ENO4: variants seen among roughly 807,000 people sequenced by gnomAD.
The protein encoded by ENO4 is 2-phospho-D-glycerate hydro-lyase.
A neutral mutation model predicts 63.2 loss-of-function variants in ENO4; 53 were observed. That is an observed-to-expected ratio of 0.84 (90% CI 0.67 to 1.05). The LOEUF (loss-of-function observed/expected upper bound fraction) is 1.05, where lower values mean the gene tolerates loss of function less well. ENO4 is among the 50% of genes least tolerant of loss of function. The probability of loss-of-function intolerance (pLI) is 0.00; values close to 1 mark genes in which losing one functional copy is unlikely to be tolerated. For missense variants in ENO4, 719 were observed against 772.0 expected (o/e 0.93, Z 0.81); for synonymous variants, 266 against 283.8 (o/e 0.94, Z 0.63).
At chr10:116,879,686 A>G (rs1236409189) in intron 12 of ENO4, among the ~76,000 whole-genome samples, 183 bp from the exon 13 acceptor site, 2 of 152,240 alleles carry the variant, frequency 1.3e-5, no homozygotes, top group Non-Finnish European at 2.9e-5. Flanking sequence ...AGTCAGCCAC[A>G]TCATCTGTTT....
At chr10:116,873,920 G>A (rs1452272569) in intron 9 of ENO4, 156 bp from the exon 10 acceptor site, 1 of 977,306 alleles carries the variant, frequency 1.0e-6, no homozygotes, top group Non-Finnish European at 1.2e-6. Context: ...GATATTTAAA[G>A]TAGAATGGAC....
chr10:116,911,563 GA>G lies in ENO4; in HGVS notation c.1262del (p.Val422CysfsTer18), dbSNP rs1257593705. On this transcript the variant is annotated frameshift_variant, in exon 11 of 11. Transcript: ENST00000369207. LOFTEE classifies it high-confidence loss of function. ...AAGAACAGGAAACAATGACTTTGGT[GA>G]AAGTGTAACCACTCTTTTAGAACAA... is the stretch of plus-strand genomic sequence containing the variant. 6.4e-7 allele frequency: 1 copy of G among 1,550,700 alleles called. No homozygotes were observed. Among genetic ancestry groups the G allele is most frequent in the Non-Finnish European group, 8.7e-7 (1 of 1,146,994 alleles).
intron 9 of ENO4, among the ~76,000 whole-genome samples, chr10:116,872,572 GCCT>G (rs1174216832): frequency 2.6e-5 from 4 of 152,114 alleles, no homozygotes; most frequent in South Asian, 2.1e-4. Context: ...TGATTGTGTG[GCCT>G]CCTCAGCCAT....
chr10:116,905,102 G>A (rs1847912635), intron 10 of ENO4, among the ~76,000 whole-genome samples: 1 of 151,426 alleles, frequency 6.6e-6, no homozygotes, highest in Non-Finnish European at 1.5e-5. Context: ...TGGGGAGGCT[G>A]AGGCAGGAGA....
chr10:116,893,592 A>ACACACACACACACACACACACACACACC (rs1847414413), intron 10 of ENO4, among the ~76,000 whole-genome samples: 1 of 151,436 alleles, frequency 6.6e-6, no homozygotes, highest in Admixed American at 6.6e-5. Context: ...ACACACACAC[A>ACACACACACACACACACACACACACACC]CACACGAGAA....
chr10:116,907,104 C>T (rs1847999133), intron 10 of ENO4, among the ~76,000 whole-genome samples: 1 of 152,146 alleles, frequency 6.6e-6, no homozygotes, highest in Non-Finnish European at 1.5e-5. Flanking sequence ...ATATATTAAA[C>T]TCACCTTAGA....
chr10:116,869,519 A>G (rs867403675), intron 8 of ENO4, among the ~76,000 whole-genome samples: 1 of 152,198 alleles, frequency 6.6e-6, no homozygotes, highest in South Asian at 2.1e-4. Context: ...TAAAAAAGTG[A>G]AGTTTCTTTT....
At chr10:116,870,993 C>G in intron 8 of ENO4, 132 bp from the exon 9 acceptor site, 2 of 757,582 alleles carry the variant, frequency 2.6e-6, no homozygotes, top group Non-Finnish European at 4.2e-6. Flanking sequence ...TGAATCAATC[C>G]TAAGTAGGAT....
At chr10:116,897,092 A>G (rs936444731) in intron 10 of ENO4, among the ~76,000 whole-genome samples, 1 of 152,094 alleles carries the variant, frequency 6.6e-6, no homozygotes, top group Non-Finnish European at 1.5e-5. Context: ...CTGGGATTAT[A>G]GGCGTAAGCC....
In ENO4 at chr10:116,855,705, C is replaced by T; in HGVS notation, c.248C>T (p.Pro83Leu). 6.5e-7 allele frequency: 1 copy of T among 1,536,502 alleles called. No homozygotes were observed. Among genetic ancestry groups the T allele is most frequent in the Non-Finnish European group, 8.7e-7 (1 of 1,147,004 alleles). ...GKDVLDGLGLPTLQVDIFCTI... is the reference protein window; with the variant it reads ...GKDVLDGLGLLTLQVDIFCTI... ...GACGTACTAGATGGACTGGGGCTTC[C>T]AACCCTGCAAGTGGACATATTCTGC... The change falls in exon 2 of 14, where the codon CCA becomes CTA. Residue 83 changes from proline (P) to leucine (L), a missense_variant. Physicochemically the swap from Pro to Leu is moderately conservative, Grantham distance 98. Around this residue, in one of 3 missense-constraint regions of ENO4, gnomAD observed 544 missense variants for 583.6 expected, o/e 0.93. Coordinates refer to ENST00000341276, the MANE Select transcript of ENO4 (RefSeq NM_001242699.2).
intron 1 of ENO4, among the ~76,000 whole-genome samples, chr10:116,850,888 C>A (rs184986036): frequency 2.1e-4 from 32 of 152,262 alleles, no homozygotes; most frequent in Middle Eastern, 3.4e-3. Flanking sequence ...AAAAATCAAA[C>A]CACATTTGTG....
chr10:116,859,103 C>G lies in ENO4; in HGVS notation c.599C>G (p.Pro200Arg). ...CCTCCAGTACCACCACCACCACCCC[C>G]TCCACCTCCTACCAAAAAAAAGGGG... ...PLPPVPPPPP[P>R]PPPTKKKGQK... The change falls in exon 4 of 14, where the codon CCT becomes CGT. Residue 200 changes from proline (P) to arginine (R), a missense_variant. By Grantham distance (103) the Pro-to-Arg change is moderately radical (BLOSUM62 -2). This residue lies in a region of ENO4 where 544 missense variants were observed against 583.6 expected (regional missense o/e 0.93). Transcript: ENST00000341276. 2 of 1,533,214 alleles carry G rather than the reference C, an allele frequency of 1.3e-6. No individual in the cohort carries two copies. Among genetic ancestry groups the G allele is most frequent in the Non-Finnish European group, 1.7e-6 (2 of 1,145,654 alleles). The allele number at this position is 1,533,214 out of a possible 1,614,324, so 95.0% of individuals were successfully genotyped here. A position where few individuals can be genotyped will look rare whatever the true frequency, so the allele number is the denominator to read the frequency against.
chr10:116,886,592 A>T (rs1343782901), downstream of ENO4: 1 of 1,610,562 alleles, frequency 6.2e-7, no homozygotes, highest in South Asian at 1.1e-5. Flanking sequence ...TTAGACAAAA[A>T]AAGTAAAAAG....
chr10:116,864,689 A>G (rs959448401), intron 7 of ENO4, among the ~76,000 whole-genome samples: 21 of 152,130 alleles, frequency 1.4e-4, no homozygotes, highest in Admixed American at 1.4e-3. Flanking sequence ...CTGCCGTTAA[A>G]AATTGAGTGT....
chr10:116,905,413 G>A (rs1847932229), intron 10 of ENO4, among the ~76,000 whole-genome samples: 1 of 152,068 alleles, frequency 6.6e-6, no homozygotes, highest in South Asian at 2.1e-4. Context: ...GTTTTGGGGG[G>A]CACAGTAGGA....
At chr10:116,873,938 T>G in intron 9 of ENO4, 138 bp from the exon 10 acceptor site, 1 of 1,334,528 alleles carries the variant, frequency 7.5e-7, no homozygotes, top group Non-Finnish European at 9.7e-7. Context: ...GACAGATTTC[T>G]CAGGTCAACG....
chr10:116,859,550 TTTTC>T (rs750929100), intron 4 of ENO4, among the ~76,000 whole-genome samples: 8 of 152,312 alleles, frequency 5.3e-5, no homozygotes, highest in Admixed American at 2.0e-4. Flanking sequence ...AAAATAAACA[TTTTC>T]TTTATGAAAC....
rs530138594 is a variant in ENO4 at position 116,900,571 on chromosome 10, T to TAC, written c.1195-10919_1195-10918dup. The TAC allele has an allele frequency of 4.3e-4, 661 of 1,534,524 alleles. 6 individuals are homozygous for TAC. The South Asian group carries it at 5.6e-3, about 13-fold the overall frequency. On this transcript the variant is annotated intron_variant, in intron 10 of 10. Coordinates refer to the ENO4 transcript ENST00000369207. ...TAAAATGGTAAAGGAGAAAAATCTA[T>TAC]ACACACACACTGAAGCATTTATCAG... is the stretch of plus-strand genomic sequence containing the variant.
chr10:116,876,729 T>G (rs889268165), intron 11 of ENO4, among the ~76,000 whole-genome samples: 2 of 152,136 alleles, frequency 1.3e-5, no homozygotes, highest in Non-Finnish European at 2.9e-5. Flanking sequence ...GGCCGGCGGA[T>G]CACGAGGTCA....
Sources: allele counts gnomAD v4.1 joint callset (sites outside exome capture counted in the v4.1 genomes callset), GRCh38; gene constraint gnomAD v4.1.1; regional missense constraint gnomAD v4.1.1; transcripts MANE v1.5; gene names NCBI Gene and HGNC (gene_info 2026-07-23, HGNC 2026-07-21).